GSTCD: variants seen among roughly 807,000 people sequenced by gnomAD.
GSTCD encodes the protein glutathione S-transferase C-terminal domain-containing protein.
Under a neutral mutation model 68.3 loss-of-function variants are expected in GSTCD, and 44 were observed. That is an observed-to-expected ratio of 0.64 (90% CI 0.51 to 0.83). GSTCD has a LOEUF of 0.83. GSTCD is among the 40% of genes least tolerant of loss of function. The probability of loss-of-function intolerance (pLI) is 0.00; values close to 1 mark genes in which losing one functional copy is unlikely to be tolerated. For synonymous variants in GSTCD, 273 were observed against 255.2 expected (o/e 1.07, Z -0.67); for missense variants, 739 against 735.9 (o/e 1.00, Z -0.05).
intron 9 of GSTCD, among the ~76,000 whole-genome samples, chr4:105,835,064 T>G (rs1465057909): frequency 6.6e-6 from 1 of 152,190 alleles, no homozygotes; most frequent in Non-Finnish European, 1.5e-5. Context: ...AATAACTACC[T>G]CAAGGTTTTT....
intron 8 of GSTCD, among the ~76,000 whole-genome samples, chr4:105,830,901 A>G (rs1723866850): frequency 1.3e-5 from 2 of 152,206 alleles, no homozygotes. Flanking sequence ...AAAAAAGGCC[A>G]AAAGCTCTTC....
chr4:105,728,160 T>C (rs1336852710), intron 4 of GSTCD, among the ~76,000 whole-genome samples: 3 of 152,188 alleles, frequency 2.0e-5, no homozygotes, highest in African/African-American at 4.8e-5. Flanking sequence ...GGTTCACCTC[T>C]CGAGTGAATA....
chr4:105,745,760 A>G (rs1033193774), intron 5 of GSTCD, among the ~76,000 whole-genome samples: 1 of 152,210 alleles, frequency 6.6e-6, no homozygotes, highest in African/African-American at 2.4e-5. Flanking sequence ...ATAACTATAT[A>G]AATCATGTAG....
intron 5 of GSTCD, among the ~76,000 whole-genome samples, chr4:105,809,049 T>C (rs978144513): frequency 6.6e-6 from 1 of 152,086 alleles, no homozygotes; most frequent in Non-Finnish European, 1.5e-5. Flanking sequence ...AGTGAAAAAG[T>C]AAAAGTTATT....
At chr4:105,834,617 T>A in intron 9 of GSTCD, 23 bp downstream of exon 9, 2 of 1,610,152 alleles carry the variant, frequency 1.2e-6, no homozygotes, top group Non-Finnish European at 1.7e-6. Context: ...GTGTTCTACA[T>A]AAGACACCAA....
At chr4:105,723,518 A>G (rs1042013164) in intron 3 of GSTCD, among the ~76,000 whole-genome samples, 3 of 151,850 alleles carry the variant, frequency 2.0e-5, no homozygotes, top group Non-Finnish European at 3.0e-5. Flanking sequence ...TCTAGGATTT[A>G]AAGTATAGGA....
At chr4:105,755,550 C>T (rs1006882937) in intron 5 of GSTCD, among the ~76,000 whole-genome samples, 7 of 152,134 alleles carry the variant, frequency 4.6e-5, no homozygotes, top group African/African-American at 1.7e-4. Flanking sequence ...TAAGAAATTC[C>T]TCCAATTCAA....
chr4:105,842,834 G>A (rs189339155), intron 11 of GSTCD, among the ~76,000 whole-genome samples: 1 of 152,242 alleles, frequency 6.6e-6, no homozygotes, highest in Admixed American at 6.5e-5. Context: ...CTTTCCTGGG[G>A]TCCCTCATCT....
chr4:105,726,516 C>A, intron 3 of GSTCD, 63 bp from the exon 4 acceptor site: 3 of 1,077,374 alleles, frequency 2.8e-6, no homozygotes, highest in South Asian at 1.7e-5. Flanking sequence ...TGTAAAGTTA[C>A]CTCAACACAG....
In GSTCD at chr4:105,756,592, A is replaced by G. The variant is rs1192546234; in HGVS notation, c.1240+27093A>G. ...TGTGTGTGTGTGTGTATATATATAT[A>G]TATATATATAATATGTCTTATTATT... On this transcript the variant is annotated intron_variant, in intron 5 of 11. Transcript: ENST00000515279. Among the ~76,000 whole-genome samples, 7 of 150,282 alleles carry G rather than the reference A, an allele frequency of 4.7e-5. No individual in the cohort carries two copies. In the East Asian group the frequency reaches 7.8e-4, roughly 17 times the overall value.
chr4:105,720,688 T>C (rs1193002341), intron 3 of GSTCD, among the ~76,000 whole-genome samples: 1 of 152,144 alleles, frequency 6.6e-6, no homozygotes, highest in African/African-American at 2.4e-5. Flanking sequence ...GAAGAAGACA[T>C]TGATTTTTAA....
intron 5 of GSTCD, among the ~76,000 whole-genome samples, chr4:105,790,664 G>A (rs1057508250): frequency 1.4e-4 from 22 of 152,024 alleles, no homozygotes; most frequent in African/African-American, 4.3e-4. Context: ...AAAAGCAAAC[G>A]GCAGCAGTAG....
At chr4:105,757,530 A>G (rs1010183662) in intron 5 of GSTCD, among the ~76,000 whole-genome samples, 11 of 152,166 alleles carry the variant, frequency 7.2e-5, no homozygotes, top group Admixed American at 5.9e-4. Flanking sequence ...GAAATCAAAG[A>G]TTTTACTTGT....
intron 1 of GSTCD, among the ~76,000 whole-genome samples, chr4:105,716,972 AC>A (rs1732699698): frequency 6.6e-6 from 1 of 152,158 alleles, no homozygotes. Context: ...ATGGGAAGAC[AC>A]ATAAGGAGCA....
At chr4:105,728,680 T>TATAGATATAGATATCTAGATATAG (rs368056265) in intron 4 of GSTCD, among the ~76,000 whole-genome samples, 1 of 146,852 alleles carries the variant, frequency 6.8e-6, no homozygotes, top group Non-Finnish European at 1.5e-5. Context: ...TAGATATAGA[T>TATAGATATAGATATCTAGATATAG]ATATAGATAT....
intron 5 of GSTCD, among the ~76,000 whole-genome samples, chr4:105,753,801 T>G (rs1280303358): frequency 6.6e-6 from 1 of 152,106 alleles, no homozygotes; most frequent in Non-Finnish European, 1.5e-5. Context: ...TTATAGTTAA[T>G]GCAAAACTAG....
At chr4:105,831,293 T>G (rs187943194) in intron 8 of GSTCD, among the ~76,000 whole-genome samples, 4 of 152,242 alleles carry the variant, frequency 2.6e-5, no homozygotes, top group Non-Finnish European at 5.9e-5. Context: ...AGTTTAGAGA[T>G]CATTCAGTTC....
intron 5 of GSTCD, among the ~76,000 whole-genome samples, chr4:105,819,728 C>G (rs1578506033): frequency 6.6e-6 from 1 of 151,800 alleles, no homozygotes; most frequent in East Asian, 1.9e-4. Context: ...TTAGTGCCAC[C>G]TTGTCTATTC....
chr4:105,808,876 A>G (rs1722638233), intron 5 of GSTCD, among the ~76,000 whole-genome samples: 1 of 152,094 alleles, frequency 6.6e-6, no homozygotes, highest in Non-Finnish European at 1.5e-5. Context: ...TGTGTACACT[A>G]CTAGCCTGAT....
Sources: gnomAD v4.1 joint callset for allele counts (sites outside exome capture counted in the v4.1 genomes callset) on GRCh38, gnomAD v4.1.1 for gene constraint, MANE v1.5 for transcripts, NCBI Gene and HGNC (gene_info 2026-07-23, HGNC 2026-07-21) for gene names.